Variants in MSN observed in about 807,000 individuals in gnomAD.
The protein encoded by MSN is moesin, also known as epididymis luminal protein 70.
MSN carries 2 observed loss-of-function variants against 48.0 expected under a neutral mutation model. The ratio of observed to expected loss-of-function variants is 0.04; its 90% CI spans 0.02 to 0.13. The LOEUF is 0.13. Among genes scored for constraint, MSN ranks in the 10% least tolerant of loss-of-function variants. The pLI, the probability that MSN is intolerant of heterozygous loss-of-function variation, is 1.00. For synonymous variants in MSN, 146 were observed against 166.9 expected (o/e 0.87, Z 0.97); for missense variants, 267 against 470.1 (o/e 0.57, Z 3.99).
At chrX:65,604,168 G>A (rs1009484420) in intron 1 of MSN, among the ~76,000 whole-genome samples, 9 of 112,122 alleles carry the variant, frequency 8.0e-5, no homozygotes, top group Middle Eastern at 4.6e-3. Flanking sequence ...CAGGATATAA[G>A]CCAAGGCAGG....
intron 1 of MSN, among the ~76,000 whole-genome samples, chrX:65,691,850 G>A (rs2071176169): frequency 9.0e-6 from 1 of 111,474 alleles, no homozygotes; most frequent in Non-Finnish European, 1.9e-5. Flanking sequence ...AGCCAGGGTG[G>A]GAGGTTAGAA....
At chrX:65,738,289 G>T (rs1319119482) in intron 10 of MSN, among the ~76,000 whole-genome samples, 1 of 112,034 alleles carries the variant, frequency 8.9e-6, no homozygotes, top group Non-Finnish European at 1.9e-5. Context: ...GACAGAGATG[G>T]CATATTGTTT....
At chrX:65,591,861 G>A (rs1054068254) in intron 1 of MSN, among the ~76,000 whole-genome samples, 4 of 111,242 alleles carry the variant, frequency 3.6e-5, no homozygotes, top group Admixed American at 1.9e-4. Context: ...CTGCCATCTA[G>A]ACTAGGGTCC....
chrX:65,665,711 G>A (rs1255928193), upstream of MSN, among the ~76,000 whole-genome samples: 2 of 111,561 alleles, frequency 1.8e-5, no homozygotes, highest in Non-Finnish European at 3.8e-5. Flanking sequence ...GAGTGGGAAA[G>A]GACCTTGGAA....
chrX:65,710,593 G>A (rs752727445), intron 1 of MSN, among the ~76,000 whole-genome samples: 1 of 112,028 alleles, frequency 8.9e-6, no homozygotes, highest in Non-Finnish European at 1.9e-5. Flanking sequence ...ATAAAATAAA[G>A]GCAGCAATAA....
intron 1 of MSN, among the ~76,000 whole-genome samples, chrX:65,644,164 G>T (rs979225742): frequency 8.9e-6 from 1 of 112,070 alleles, no homozygotes; most frequent in South Asian, 3.7e-4. Flanking sequence ...TAAATAATAA[G>T]CAGTACCTGC....
chrX:65,644,606 G>T (rs2070681813), intron 1 of MSN, among the ~76,000 whole-genome samples: 2 of 112,246 alleles, frequency 1.8e-5, no homozygotes, highest in Non-Finnish European at 3.8e-5. Context: ...TGGCAGCTCA[G>T]GGCAGGGGGA....
intron 8 of MSN, 126 bp from the exon 9 acceptor site, chrX:65,736,669 C>T: frequency 1.4e-6 from 1 of 725,985 alleles, no homozygotes; most frequent in Non-Finnish European, 1.9e-6. Context: ...ATCTCCTGAC[C>T]TCGTGATCTG....
intron 4 of MSN, among the ~76,000 whole-genome samples, chrX:65,730,592 A>G (rs1320046383): frequency 9.1e-6 from 1 of 110,382 alleles, no homozygotes; most frequent in East Asian, 2.8e-4. Flanking sequence ...CCTTGTTTAT[A>G]ATCTAGTAGG....
At chrX:65,710,126 T>A (rs2071399514) in intron 1 of MSN, among the ~76,000 whole-genome samples, 1 of 112,279 alleles carries the variant, frequency 8.9e-6, no homozygotes, top group Non-Finnish European at 1.9e-5. Flanking sequence ...GACATTTGAG[T>A]GCTCTTGTGC....
intron 1 of MSN, among the ~76,000 whole-genome samples, chrX:65,642,834 C>T (rs1013628560): frequency 9.1e-6 from 1 of 110,431 alleles, no homozygotes; most frequent in Non-Finnish European, 1.9e-5. Context: ...ACGTGCATGG[C>T]CTGCCTGAGG....
chrX:65,629,443 C>T (rs2070536750), intron 1 of MSN, among the ~76,000 whole-genome samples: 1 of 112,248 alleles, frequency 8.9e-6, no homozygotes, highest in African/African-American at 3.2e-5. Context: ...TTACCCAGTT[C>T]CAAAGTTGCT....
chrX:65,644,736 T>A (rs1339150428), intron 1 of MSN, among the ~76,000 whole-genome samples: 1 of 111,098 alleles, frequency 9.0e-6, no homozygotes, highest in Non-Finnish European at 1.9e-5. Flanking sequence ...GGAATGACAT[T>A]CTAGGCAGTG....
At chrX:65,612,864 T>G (rs920192173) in intron 1 of MSN, among the ~76,000 whole-genome samples, 2 of 106,943 alleles carry the variant, frequency 1.9e-5, no homozygotes, top group African/African-American at 3.5e-5. Context: ...TTTTTTTTTT[T>G]TGGGGGGGGG....
chrX:65,665,518 G>A (rs2070860996), upstream of MSN, among the ~76,000 whole-genome samples: 1 of 111,835 alleles, frequency 8.9e-6, no homozygotes, highest in Admixed American at 9.5e-5. Flanking sequence ...AATCTTGTTA[G>A]CAGTGAGAGA....
intron 2 of MSN, among the ~76,000 whole-genome samples, chrX:65,719,783 A>C (rs896503692): frequency 9.0e-6 from 1 of 111,388 alleles, no homozygotes; most frequent in Non-Finnish European, 1.9e-5. Context: ...TACCCTCAAC[A>C]CTGGGGGCTT....
At chrX:65,728,330 C>G (rs1173875326) in intron 3 of MSN, among the ~76,000 whole-genome samples, 1 of 111,077 alleles carries the variant, frequency 9.0e-6, no homozygotes, top group Non-Finnish European at 1.9e-5. Flanking sequence ...GTCTCGCACT[C>G]TCGCCCAGGC....
chrX:65,700,929 G>A (rs2071296324), intron 1 of MSN, among the ~76,000 whole-genome samples: 1 of 111,517 alleles, frequency 9.0e-6, no homozygotes, highest in South Asian at 3.8e-4. Context: ...ATCAGCTCTA[G>A]TGCAAGCTGG....
At chrX:65,633,019 A>T (rs762700571) in intron 1 of MSN, among the ~76,000 whole-genome samples, 5 of 111,245 alleles carry the variant, frequency 4.5e-5, no homozygotes, top group Non-Finnish European at 7.5e-5. Context: ...GCTGGCATGG[A>T]TTCATTTCAG....
Sources: gnomAD v4.1 joint callset for allele counts (sites outside exome capture counted in the v4.1 genomes callset) on GRCh38, gnomAD v4.1.1 for gene constraint, MANE v1.5 for transcripts, NCBI Gene and HGNC (gene_info 2026-07-23, HGNC 2026-07-21) for gene names.